The following ROCK2 variants were observed in gnomAD, a reference collection of about 807,000 sequenced individuals.
ROCK2 encodes rho-associated protein kinase 2.
A neutral mutation model predicts 195.1 loss-of-function variants in ROCK2; 61 were observed. That is an observed-to-expected ratio of 0.31 (90% CI 0.25 to 0.39). The LOEUF (loss-of-function observed/expected upper bound fraction) is 0.39. ROCK2 is among the 10% of genes least tolerant of loss of function. The pLI is 1.00. For missense variants in ROCK2, 1,109 were observed against 1,637.4 expected, an observed-to-expected ratio of 0.68 and a Z score of 5.57; for synonymous variants, 504 against 545.5, an observed-to-expected ratio of 0.92 and a Z score of 1.06.
At chr2:11,232,254 AAGG>A (rs1665042704) in intron 5 of ROCK2, among the ~76,000 whole-genome samples, 1 of 151,838 alleles carries the variant, frequency 6.6e-6, no homozygotes, top group Admixed American at 6.6e-5. Context: ...TCAGCCACCC[AAGG>A]AGCTGGGATT....
intron 1 of ROCK2, among the ~76,000 whole-genome samples, chr2:11,330,776 A>AGGAGGAGGAGGGAG (rs1668704947): frequency 2.1e-5 from 1 of 48,140 alleles, no homozygotes; most frequent in Non-Finnish European, 4.0e-5. Context: ...AGGAGGAGGG[A>AGGAGGAGGAGGGAG]GGGAAGAGGA....
intron 1 of ROCK2, among the ~76,000 whole-genome samples, chr2:11,323,754 C>T (rs1227360548): frequency 2.0e-5 from 3 of 152,070 alleles, no homozygotes; most frequent in Non-Finnish European, 4.4e-5. Context: ...TACCCCTCAC[C>T]CCTGCATACA....
intron 1 of ROCK2, among the ~76,000 whole-genome samples, chr2:11,296,046 GAGAGAA>G (rs1403477115): frequency 2.6e-4 from 39 of 147,720 alleles, no homozygotes; most frequent in African/African-American, 9.3e-4. Context: ...GAGAGAGAGA[GAGAGAA>G]AACAAAGGGT....
chr2:11,331,652 C>T (rs369313016), intron 1 of ROCK2, among the ~76,000 whole-genome samples: 8 of 151,884 alleles, frequency 5.3e-5, no homozygotes, highest in South Asian at 4.2e-4. Context: ...ATTAGCCAGG[C>T]GCGGTGGCTC....
intron 1 of ROCK2, among the ~76,000 whole-genome samples, chr2:11,291,213 A>G (rs1203939428): frequency 6.6e-6 from 1 of 152,250 alleles, no homozygotes; most frequent in Non-Finnish European, 1.5e-5. Context: ...GAAATGAAGT[A>G]TTGAACTTGA....
At position 11,235,025 on chromosome 2, in the gene ROCK2, T is replaced by A. The variant is rs568337160; in HGVS notation, c.723+677A>T. On this transcript the variant is annotated intron_variant, in intron 5 of 32. Coordinates refer to ENST00000315872, the MANE Select transcript of ROCK2 (RefSeq NM_004850.5). This position sits in a 1 kb window ranked among gnomAD's most constrained non-coding sequence, Gnocchi z 4.2. ...TATATATTAACATTTATAAGTCGAC[T>A]CCTAGGACCAACAGGGTAATACAAA... 1.6e-4 allele frequency among the ~76,000 whole-genome samples: 25 copies of A among 152,208 alleles called. No homozygotes were observed. Among genetic ancestry groups the A allele is most frequent in the African/African-American group, 5.8e-4 (24 of 41,550 alleles).
At chr2:11,313,091 G>C (rs1008741977) in intron 1 of ROCK2, among the ~76,000 whole-genome samples, 2 of 152,062 alleles carry the variant, frequency 1.3e-5, no homozygotes, top group Non-Finnish European at 2.9e-5. Context: ...CAAATGTACA[G>C]CAAAGAATGA....
intron 3 of ROCK2, among the ~76,000 whole-genome samples, chr2:11,267,375 T>C (rs1666454805): frequency 6.6e-6 from 1 of 152,132 alleles, no homozygotes; most frequent in African/African-American, 2.4e-5. Flanking sequence ...ATGGAAGAGC[T>C]AGGATTCAAC....
chr2:11,261,831 A>G (rs1336988794), intron 3 of ROCK2, among the ~76,000 whole-genome samples: 1 of 152,204 alleles, frequency 6.6e-6, no homozygotes, highest in African/African-American at 2.4e-5. Context: ...TCTTAAATAA[A>G]TAAAGAAAGA....
intron 4 of ROCK2, among the ~76,000 whole-genome samples, chr2:11,245,576 C>A (rs937945897): frequency 5.3e-5 from 8 of 152,080 alleles, no homozygotes; most frequent in African/African-American, 1.7e-4. Context: ...CTAGCAATCC[C>A]AATGCTAGGA....
rs753996403 is a variant in ROCK2, at chr2:11,215,589, C to T, written c.1518G>A (p.Ala506=). The change falls in exon 14 of 33, where the codon GCG becomes GCA. Residue 506 remains alanine, a synonymous_variant. Transcript: ENST00000315872. ...ATTCTGCATTTTTGTGCTGAAGAAG[C>T]GCCTTTTCTCTTTCTAACTGTCTTA... ...SALRQLEREK[A]LLQHKNAEYQ... 4.3e-6 allele frequency: 7 copies of T among 1,613,410 alleles called. No individual in the cohort carries two copies. Among genetic ancestry groups the T allele is most frequent in the African/African-American group, 2.7e-5 (2 of 74,992 alleles).
chr2:11,304,860 A>C (rs753016286), intron 1 of ROCK2, among the ~76,000 whole-genome samples: 1 of 152,200 alleles, frequency 6.6e-6, no homozygotes, highest in African/African-American at 2.4e-5. Context: ...GGCACTAACA[A>C]GTAGGGAAAA....
intron 1 of ROCK2, among the ~76,000 whole-genome samples, chr2:11,328,065 G>C (rs1361758314): frequency 6.6e-6 from 1 of 152,054 alleles, no homozygotes. Flanking sequence ...CCCTGGTCCT[G>C]CTCACTCTCT....
intron 3 of ROCK2, among the ~76,000 whole-genome samples, chr2:11,254,001 C>T (rs1665926080): frequency 6.6e-6 from 1 of 152,138 alleles, no homozygotes; most frequent in African/African-American, 2.4e-5. Flanking sequence ...AAGTTTTGCT[C>T]CCCCTCCAAT....
chr2:11,202,117 G>T lies in ROCK2; in HGVS notation c.2554C>A (p.Arg852Ser), dbSNP rs1348532929. ...EKQNAELRKE[R>S]QDADGQMKEL... ...TTCATTTGCCCATCTGCATCCTGAC[G>T]TTCTCTGTGAGGACAATGAATCAAA... Residue 852 changes from arginine (R) to serine (S), a missense_variant, in exon 21 of 33, where the codon CGT (arginine) becomes AGT (serine). Arg to Ser is a moderately radical substitution (Grantham distance 110). Transcript: ENST00000315872. The T allele has an allele frequency of 1.9e-6, 3 of 1,610,976 alleles. No individual in the cohort carries two copies. In the South Asian group the frequency reaches 3.3e-5, roughly 18 times the overall value.
intron 3 of ROCK2, among the ~76,000 whole-genome samples, chr2:11,270,323 A>G (rs1416879010): frequency 6.6e-6 from 1 of 152,176 alleles, no homozygotes; most frequent in Non-Finnish European, 1.5e-5. Context: ...TTTGAAAATG[A>G]TATTCCTAAA....
chr2:11,297,921 C>T (rs902956756), intron 1 of ROCK2, among the ~76,000 whole-genome samples: 1 of 152,118 alleles, frequency 6.6e-6, no homozygotes, highest in African/African-American at 2.4e-5. Flanking sequence ...TTCCCTAAAA[C>T]TGTTAAAAAC....
At chr2:11,226,510 A>T (rs896521900) in intron 6 of ROCK2, among the ~76,000 whole-genome samples, 5 of 152,210 alleles carry the variant, frequency 3.3e-5, no homozygotes, top group African/African-American at 1.2e-4. Context: ...TTGTTTACGA[A>T]ATCAATTATG....
chr2:11,291,313 G>A (rs1450648276), intron 1 of ROCK2, among the ~76,000 whole-genome samples: 1 of 152,198 alleles, frequency 6.6e-6, no homozygotes, highest in Non-Finnish European at 1.5e-5. Flanking sequence ...ACTTTGGGAG[G>A]CCGAGGCGGG....
Sources: allele counts gnomAD v4.1 joint callset (sites outside exome capture counted in the v4.1 genomes callset), GRCh38; gene constraint gnomAD v4.1.1; non-coding constraint Gnocchi (gnomAD v3.1); transcripts MANE v1.5; gene names NCBI Gene and HGNC (gene_info 2026-07-23, HGNC 2026-07-21).